Variants in FHIT observed in about 807,000 individuals in gnomAD.
FHIT encodes the protein fragile histidine triad diadenosine triphosphatase, also known as bis(5'-adenosyl)-triphosphatase.
In FHIT, 19 loss-of-function variants were observed where a neutral mutation model predicts 17.9. The ratio of observed to expected loss-of-function variants is 1.06; its 90% CI spans 0.74 to 1.56. The LOEUF (loss-of-function observed/expected upper bound fraction) is 1.56, where lower values mean the gene tolerates loss of function less well. Ranked by LOEUF, FHIT falls within the 40% of genes most tolerant of loss-of-function variation. The probability of loss-of-function intolerance (pLI) is 0.00; values close to 1 mark genes in which losing one functional copy is unlikely to be tolerated. For synonymous variants in FHIT, 81 were observed against 69.7 expected, an observed-to-expected ratio of 1.16 and a Z score of -0.81; for missense variants, 248 against 189.2, an observed-to-expected ratio of 1.31 and a Z score of -1.82.
chr3:60,412,379 G>A (rs757576500), intron 5 of FHIT, among the ~76,000 whole-genome samples: 8 of 152,014 alleles, frequency 5.3e-5, no homozygotes, highest in African/African-American at 9.6e-5. Context: ...AAATAAATAA[G>A]ACCAGTTTCA....
intron 4 of FHIT, among the ~76,000 whole-genome samples, chr3:60,750,193 C>T (rs1241254636): frequency 6.6e-6 from 1 of 152,054 alleles, no homozygotes; most frequent in Non-Finnish European, 1.5e-5. Context: ...TAGTCAAAGG[C>T]AATGGGGACC....
chr3:60,319,663 C>T (rs573327889), intron 5 of FHIT, among the ~76,000 whole-genome samples: 8 of 152,152 alleles, frequency 5.3e-5, no homozygotes, highest in Non-Finnish European at 1.5e-5. Flanking sequence ...CAGCAAACAG[C>T]CCAACTCAAA....
chr3:59,821,136 T>C (rs150745793), intron 8 of FHIT, among the ~76,000 whole-genome samples: 1 of 151,976 alleles, frequency 6.6e-6, no homozygotes, highest in Non-Finnish European at 1.5e-5. Flanking sequence ...TGAGAGCAGG[T>C]TTCAGGTGAG....
intron 4 of FHIT, among the ~76,000 whole-genome samples, chr3:60,676,021 C>G (rs186513117): frequency 6.6e-6 from 1 of 152,160 alleles, no homozygotes. Context: ...CTGCAACTTA[C>G]GTATATCAAT....
At chr3:60,624,556 A>T (rs1019994561) in intron 4 of FHIT, among the ~76,000 whole-genome samples, 6 of 152,208 alleles carry the variant, frequency 3.9e-5, no homozygotes, top group Admixed American at 3.9e-4. Flanking sequence ...AATGATTCCA[A>T]AAGTAAAATA....
rs188835640 is a variant in FHIT, at chr3:60,415,814, C to G, written c.103+121046G>C. 6.0e-4 allele frequency among the ~76,000 whole-genome samples: 90 copies of G among 149,104 alleles called. 3 individuals carry two copies. Among genetic ancestry groups the G allele is most frequent in the Admixed American group, 1.8e-3 (27 of 14,946 alleles). Reference sequence around the variant, plus strand: ...TTTGATTTCTCTGAGCCTCACTTTCCTCATCTATAAAATAATAATAATTAC... The same window carrying G: ...TTTGATTTCTCTGAGCCTCACTTTCGTCATCTATAAAATAATAATAATTAC... On this transcript the variant is annotated intron_variant, in intron 5 of 9. Transcript: ENST00000492590.
intron 7 of FHIT, among the ~76,000 whole-genome samples, chr3:59,976,621 C>G (rs928684331): frequency 1.1e-4 from 17 of 152,176 alleles, no homozygotes; most frequent in African/African-American, 4.1e-4. Context: ...GCCTCTCACG[C>G]AGCCCTACCT....
chr3:60,911,251 A>C (rs1174944203), intron 3 of FHIT, among the ~76,000 whole-genome samples: 1 of 152,174 alleles, frequency 6.6e-6, no homozygotes, highest in Non-Finnish European at 1.5e-5. Flanking sequence ...TTGGCACCAC[A>C]AAAAGTCGCA....
At chr3:60,505,854 T>G (rs1257386866) in intron 5 of FHIT, among the ~76,000 whole-genome samples, 1 of 152,198 alleles carries the variant, frequency 6.6e-6, no homozygotes, top group Non-Finnish European at 1.5e-5. Context: ...TCTGACAACT[T>G]CTATATTATC....
intron 5 of FHIT, among the ~76,000 whole-genome samples, chr3:60,306,448 A>T (rs1708679763): frequency 6.6e-6 from 1 of 152,204 alleles, no homozygotes; most frequent in Non-Finnish European, 1.5e-5. Flanking sequence ...TACTTAACCC[A>T]GTCTGTAGCC....
rs144357754 is a variant in FHIT at position 60,206,611 on chromosome 3, A to G, written c.104-192459T>C. On this transcript the variant is annotated intron_variant, in intron 5 of 9. Coordinates refer to ENST00000492590, the MANE Select transcript of FHIT (RefSeq NM_002012.4). ...GGGCTGCACCAAAACGAATTTATCAATCACGGAATGCAGGACCCCTTGTAT... is the reference window on the plus strand; with the variant it reads ...GGGCTGCACCAAAACGAATTTATCAGTCACGGAATGCAGGACCCCTTGTAT... Among the ~76,000 whole-genome samples the G allele has an allele frequency of 2.8e-3, 428 of 152,348 alleles. 1 individual carries two copies. The highest frequency in any genetic ancestry group is 9.8e-3 in the African/African-American group (409 of 41,582).
chr3:60,537,052 C>T, intron 4 of FHIT, 73 bp from the exon 5 acceptor site: 2 of 1,246,922 alleles, frequency 1.6e-6, no homozygotes, highest in South Asian at 3.5e-5. Flanking sequence ...TTAAAGAAAG[C>T]AAATTCCATT....
chr3:60,787,068 A>G (rs782756500), intron 4 of FHIT, among the ~76,000 whole-genome samples: 25 of 151,438 alleles, frequency 1.7e-4, no homozygotes, highest in Non-Finnish European at 3.2e-4. Context: ...TAAATATTTT[A>G]CTCCTTATTG....
chr3:60,545,359 A>G (rs2036326193), intron 4 of FHIT, among the ~76,000 whole-genome samples: 2 of 152,006 alleles, frequency 1.3e-5, no homozygotes, highest in South Asian at 4.1e-4. Context: ...TTATTACCAC[A>G]TTTGTATTTA....
intron 2 of FHIT, among the ~76,000 whole-genome samples, chr3:61,182,729 A>AG (rs1242151555): frequency 2.6e-5 from 4 of 152,054 alleles, no homozygotes; most frequent in Non-Finnish European, 5.9e-5. Context: ...AACCTGAAGG[A>AG]GCATGTATTC....
chr3:60,906,839 A>G (rs1428943694), intron 3 of FHIT, among the ~76,000 whole-genome samples: 1 of 152,160 alleles, frequency 6.6e-6, no homozygotes, highest in Non-Finnish European at 1.5e-5. Context: ...AAGCTGTGAT[A>G]CAAGCAGCAA....
At chr3:61,047,597 C>A (rs1249947939) in intron 2 of FHIT, among the ~76,000 whole-genome samples, 2 of 152,154 alleles carry the variant, frequency 1.3e-5, no homozygotes, top group Non-Finnish European at 2.9e-5. Flanking sequence ...CATCAAGCTA[C>A]CAATGACTTT....
At chr3:60,161,451 T>C (rs949828546) in intron 5 of FHIT, among the ~76,000 whole-genome samples, 4 of 152,296 alleles carry the variant, frequency 2.6e-5, no homozygotes, top group African/African-American at 9.6e-5. Context: ...CAATTATTAA[T>C]AGTGTAATTC....
intron 8 of FHIT, among the ~76,000 whole-genome samples, chr3:59,904,190 C>G (rs535744795): frequency 1.4e-5 from 2 of 139,522 alleles, no homozygotes; most frequent in African/African-American, 5.2e-5. Flanking sequence ...TCATCAACAC[C>G]TAACAAAAGG....
Sources: allele counts gnomAD v4.1 joint callset (sites outside exome capture counted in the v4.1 genomes callset), GRCh38; gene constraint gnomAD v4.1.1; transcripts MANE v1.5; gene names NCBI Gene and HGNC (gene_info 2026-07-23, HGNC 2026-07-21).